PTCHD1: variants seen among roughly 807,000 people sequenced by gnomAD.
PTCHD1 encodes patched domain containing 1.
PTCHD1 carries 3 observed loss-of-function variants against 34.6 expected under a neutral mutation model. The observed-to-expected ratio is 0.09, with a 90% CI of 0.04 to 0.22. The LOEUF (loss-of-function observed/expected upper bound fraction) is 0.22, where lower values mean the gene tolerates loss of function less well. Ranked by LOEUF, PTCHD1 falls within the 10% of genes least tolerant of loss-of-function variation. The probability of loss-of-function intolerance (pLI) is 1.00; values close to 1 mark genes in which losing one functional copy is unlikely to be tolerated. For missense variants in PTCHD1, 504 were observed against 685.5 expected (o/e 0.74, Z 2.96); for synonymous variants, 305 against 283.1 (o/e 1.08, Z -0.77).
intron 1 of PTCHD1, among the ~76,000 whole-genome samples, chrX:23,372,214 G>T (rs1456754860): frequency 9.1e-6 from 1 of 109,727 alleles, no homozygotes; most frequent in Non-Finnish European, 1.9e-5. Context: ...GTGAGCTCAG[G>T]AAAGATGATT....
chrX:23,375,581 CG>C (rs1384960034), intron 1 of PTCHD1, among the ~76,000 whole-genome samples: 6 of 110,116 alleles, frequency 5.4e-5, no homozygotes, highest in African/African-American at 9.9e-5. Context: ...GCCGCCCGGC[CG>C]GGCTGACAAT....
chrX:23,339,532 A>C (rs60234971), intron 1 of PTCHD1, among the ~76,000 whole-genome samples: 16,472 of 112,263 alleles, frequency 0.15, 1,079 homozygotes, highest in African/African-American at 0.25. Flanking sequence ...AAATAGAATT[A>C]AGTTGCAAAC....
In PTCHD1 at chrX:23,395,646, A is replaced by G. The variant is rs191466789; in HGVS notation, c.*1461A>G. The G allele has an allele frequency of 3.9e-4, 44 of 112,312 alleles. No individual in the cohort carries two copies. The highest frequency in any genetic ancestry group is 1.3e-3 in the African/African-American group (40 of 30,924). 9.3% of individuals were successfully genotyped at this position (112,312 alleles called of 1,213,427 possible). ...TCATAGATCTAAACAGAAATGGTTT[A>G]GATCTAAAAAGGCTGTATACGTTGC... On this transcript the variant is annotated 3_prime_UTR_variant, in exon 3 of 3. Transcript: ENST00000379361.
chrX:23,393,681 A>C lies in PTCHD1; in HGVS notation c.2163A>C (p.Ser721=), dbSNP rs1271665379. The C allele has an allele frequency of 8.3e-7, 1 of 1,211,822 alleles. No individual in the cohort carries two copies. Among genetic ancestry groups the C allele is most frequent in the East Asian group, 3.0e-5 (1 of 33,850 alleles). ...TCTCGGCATTCCTGGTGGCAGATTC[A>C]CTGATTAACGTCTGGATCACTCTCA... ...LFFSAFLVAD[S]LINVWITLTV... Residue 721 remains serine (S), a synonymous_variant, in exon 3 of 3, where the codon TCA becomes TCC. Transcript: ENST00000379361.
chrX:23,359,658 T>A (rs1439192327), intron 1 of PTCHD1, among the ~76,000 whole-genome samples: 1 of 112,174 alleles, frequency 8.9e-6, no homozygotes, highest in Non-Finnish European at 1.9e-5. Flanking sequence ...CTTGCCTGAT[T>A]GCCCTGGCCA....
intron 1 of PTCHD1, among the ~76,000 whole-genome samples, chrX:23,364,251 A>G (rs778549454): frequency 3.7e-4 from 41 of 110,733 alleles, no homozygotes; most frequent in Non-Finnish European, 5.3e-4. Context: ...TACTGTAAAT[A>G]TGCTATGTCT....
rs898056828 is a variant in PTCHD1, at chrX:23,401,872, G to A, written c.*7687G>A. ...AGAAAAGAAACCTGGAAAAGTGAAT[G>A]TGCCTTGCAATTTAAAAATTGCTAA... On this transcript the variant is annotated 3_prime_UTR_variant, in exon 3 of 3. Coordinates refer to ENST00000379361, the MANE Select transcript of PTCHD1 (RefSeq NM_173495.3). 19 of 112,926 alleles carry A rather than the reference G, an allele frequency of 1.7e-4. No individual in the cohort carries two copies. Among genetic ancestry groups the A allele is most frequent in the African/African-American group, 5.5e-4 (17 of 31,065 alleles). The allele number at this position is 112,926 out of a possible 1,213,427, so 9.3% of individuals were successfully genotyped here.
chrX:23,389,118 G>A (rs1212553952), intron 2 of PTCHD1, among the ~76,000 whole-genome samples: 1 of 112,041 alleles, frequency 8.9e-6, no homozygotes, highest in Non-Finnish European at 1.9e-5. Context: ...AGCTGCTTCA[G>A]TAGACCACTG....
At chrX:23,387,617 G>T (rs1321487629) in intron 2 of PTCHD1, among the ~76,000 whole-genome samples, 1 of 111,214 alleles carries the variant, frequency 9.0e-6, no homozygotes, top group Non-Finnish European at 1.9e-5. Flanking sequence ...CACACTCCCG[G>T]CCCAAATTTT....
chrX:23,381,995 G>C (rs1030527466), intron 2 of PTCHD1, among the ~76,000 whole-genome samples: 1 of 111,621 alleles, frequency 9.0e-6, no homozygotes, highest in Non-Finnish European at 1.9e-5. Flanking sequence ...GTTACGGGAA[G>C]GGTTTTCGTT....
In PTCHD1 at chrX:23,393,673, G is replaced by T; in HGVS notation, c.2155G>T (p.Ala719Ser). ...GCTCTTCTTCTCGGCATTCCTGGTGGCAGATTCACTGATTAACGTCTGGAT... is the reference window on the plus strand; with the variant it reads ...GCTCTTCTTCTCGGCATTCCTGGTGTCAGATTCACTGATTAACGTCTGGAT... ...FLLFFSAFLVADSLINVWITL... is the reference protein window; with the variant it reads ...FLLFFSAFLVSDSLINVWITL... The change falls in exon 3 of 3, where the codon GCA becomes TCA. Residue 719 changes from alanine to serine, a missense_variant. Physicochemically the swap from Ala to Ser is moderately conservative, Grantham distance 99. Coordinates refer to ENST00000379361, the MANE Select transcript of PTCHD1 (RefSeq NM_173495.3). 1 of 1,211,890 alleles carries T rather than the reference G, an allele frequency of 8.3e-7. No individual in the cohort carries two copies. Among genetic ancestry groups the T allele is most frequent in the Non-Finnish European group, 1.1e-6 (1 of 895,496 alleles).
At chrX:23,356,805 T>C (rs1921817550) in intron 1 of PTCHD1, among the ~76,000 whole-genome samples, 1 of 111,736 alleles carries the variant, frequency 8.9e-6, no homozygotes, top group African/African-American at 3.3e-5. Context: ...ACTTCACAAA[T>C]AGCAACTTTT....
rs767989717 is a variant in PTCHD1 at position 23,397,548 on chromosome X, T to C, written c.*3363T>C. ...GCTTTAATTTGGTTTGTGGTTTGTG[T>C]TTGCTTGTGTTTGCTTCTGCCTTTC... On this transcript the variant is annotated 3_prime_UTR_variant, in exon 3 of 3. Transcript: ENST00000379361. The C allele has an allele frequency of 8.9e-6, 1 of 112,250 alleles. No individual in the cohort carries two copies. The highest frequency in any genetic ancestry group is 3.7e-4 in the South Asian group (1 of 2,707). 9.3% of individuals were successfully genotyped at this position (112,250 alleles called of 1,213,427 possible). A position where few individuals can be genotyped will look rare whatever the true frequency, so the allele number is the denominator to read the frequency against.
intron 2 of PTCHD1, among the ~76,000 whole-genome samples, chrX:23,390,001 C>A (rs1344287693): frequency 7.2e-5 from 8 of 111,797 alleles, no homozygotes; most frequent in Non-Finnish European, 3.8e-5. Flanking sequence ...AATTCCTTTT[C>A]TCAATTAGCT....
At position 23,362,009 on chromosome X, in the gene PTCHD1, G is replaced by T. The variant is rs974043497; in HGVS notation, c.352-17582G>T. Among the ~76,000 whole-genome samples, 4 of 112,419 alleles carry T rather than the reference G, an allele frequency of 3.6e-5. No homozygotes were observed. The South Asian group carries it at 1.1e-3, about 31-fold the overall frequency. On this transcript the variant is annotated intron_variant, in intron 1 of 2. Transcript: ENST00000379361. ...CTCTTCTGGCTTGTAGAGTTTCTGC[G>T]GAGAGATCCGCTGATAGTCTGATAG...
chrX:23,361,436 T>A (rs1215522173), intron 1 of PTCHD1, among the ~76,000 whole-genome samples: 1 of 111,646 alleles, frequency 9.0e-6, no homozygotes, highest in Non-Finnish European at 1.9e-5. Flanking sequence ...TCTTTGTTGG[T>A]TTAAAGTCTG....
At position 23,334,875 on chromosome X, in the gene PTCHD1, G is replaced by T; in HGVS notation, c.-1G>T. 8.4e-7 allele frequency: 1 copy of T among 1,191,380 alleles called. No homozygotes were observed. Among genetic ancestry groups the T allele is most frequent in the East Asian group, 3.1e-5 (1 of 32,750 alleles). ...TCCTCCCGCGCCCGCTCTGCTCTAG[G>T]ATGCTGCGGCAGGTTCTGCACAGGG... On this transcript the variant is annotated 5_prime_UTR_variant, in exon 1 of 3. Coordinates refer to ENST00000379361, the MANE Select transcript of PTCHD1 (RefSeq NM_173495.3).
Position 23,393,832 on chromosome X carries a change from T to C in PTCHD1, c.2314T>C (p.Leu772=), listed in dbSNP as rs769881695. The change falls in exon 3 of 3, where the codon TTA becomes CTA. Residue 772 remains leucine, a synonymous_variant. Coordinates refer to ENST00000379361, the MANE Select transcript of PTCHD1 (RefSeq NM_173495.3). The part of the protein sequence containing the change: ...NYTIDNCAPM[L]STFVLGKDFT... ...CACAATTGACAATTGTGCTCCAATG[T>C]TATCCACATTTGTTCTGGGCAAGGA... The C allele has an allele frequency of 8.3e-7, 1 of 1,209,508 alleles. No homozygotes were observed. Among genetic ancestry groups the C allele is most frequent in the Non-Finnish European group, 1.1e-6 (1 of 894,702 alleles).
rs1458093929 is a variant in PTCHD1, at chrX:23,396,018, T to C, written c.*1833T>C. 1 of 112,167 alleles carries C rather than the reference T, an allele frequency of 8.9e-6. No individual in the cohort carries two copies. Among genetic ancestry groups the C allele is most frequent in the Non-Finnish European group, 1.9e-5 (1 of 53,232 alleles). 9.2% of individuals were successfully genotyped at this position (112,167 alleles called of 1,213,427 possible). Reference sequence around the variant, plus strand: ...CTCCTCTCAAAATGCATTTCCAAAGTAGGAACATAGGACTTCGTTGGCCAC... The same window carrying C: ...CTCCTCTCAAAATGCATTTCCAAAGCAGGAACATAGGACTTCGTTGGCCAC... On this transcript the variant is annotated 3_prime_UTR_variant, in exon 3 of 3. Transcript: ENST00000379361.
Sources: allele counts gnomAD v4.1 joint callset (sites outside exome capture counted in the v4.1 genomes callset), GRCh38; gene constraint gnomAD v4.1.1; transcripts MANE v1.5; gene names NCBI Gene and HGNC (gene_info 2026-07-23, HGNC 2026-07-21).